Variants in ASB13 observed in about 807,000 individuals in gnomAD.
ASB13 encodes ankyrin repeat and SOCS box containing 13.
A neutral mutation model predicts 28.8 loss-of-function variants in ASB13; 33 were observed. The observed-to-expected ratio is 1.15, with a 90% CI of 0.87 to 1.53. The LOEUF is 1.53. Ranked by LOEUF, ASB13 falls within the 40% of genes most tolerant of loss-of-function variation. ASB13 has a pLI of 0.00. For synonymous variants in ASB13, 182 were observed against 172.9 expected (o/e 1.05, Z -0.41); for missense variants, 414 against 390.1 (o/e 1.06, Z -0.52).
At position 5,662,321 on chromosome 10, in the gene ASB13, T is replaced by C. The variant is rs1056118160; in HGVS notation, c.43+4188A>G. Reference sequence around the variant, plus strand: ...ATCACCTGAGGTCAAGAGTTCGAGATCAGCCTGGCCAACATGGCAAAACCC... The same window carrying C: ...ATCACCTGAGGTCAAGAGTTCGAGACCAGCCTGGCCAACATGGCAAAACCC... On this transcript the variant is annotated intron_variant, in intron 1 of 5. Transcript: ENST00000357700. Among the ~76,000 whole-genome samples, 6 of 151,612 alleles carry C rather than the reference T, an allele frequency of 4.0e-5. No homozygotes were observed. The South Asian group carries it at 1.2e-3, about 31-fold the overall frequency.
chr10:5,662,951 C>G (rs925027806), intron 1 of ASB13, among the ~76,000 whole-genome samples: 4 of 152,138 alleles, frequency 2.6e-5, no homozygotes, highest in African/African-American at 9.7e-5. Flanking sequence ...AAATATGGAT[C>G]TTTATTTTTC....
intron 4 of ASB13, 103 bp downstream of exon 4, chr10:5,648,867 C>G: frequency 6.4e-7 from 1 of 1,554,122 alleles, no homozygotes; most frequent in Admixed American, 1.8e-5. Context: ...GGTAAACACC[C>G]ACTCGGGCAA....
intron 4 of ASB13, among the ~76,000 whole-genome samples, chr10:5,643,089 G>A (rs1834835230): frequency 6.6e-6 from 1 of 152,160 alleles, no homozygotes; most frequent in Non-Finnish European, 1.5e-5. Context: ...GAGGTTATAA[G>A]AGAAAACAAA....
intron 1 of ASB13, among the ~76,000 whole-genome samples, chr10:5,666,148 G>A (rs1022875745): frequency 3.9e-4 from 60 of 152,312 alleles, no homozygotes; most frequent in African/African-American, 1.3e-3. Context: ...GGAGCACCGT[G>A]GGCGTTTCCC....
At chr10:5,648,169 G>GGGTAAACACCCACTCA (rs1834916306) in intron 4 of ASB13, among the ~76,000 whole-genome samples, 1 of 88,920 alleles carries the variant, frequency 1.1e-5, no homozygotes, top group Admixed American at 1.4e-4. Flanking sequence ...ACACTCACGG[G>GGGTAAACACCCACTCA]GGTAAACACC....
rs1447652828 is a variant in ASB13, at chr10:5,645,450, C to A, written c.518-3489G>T. Among the ~76,000 whole-genome samples, 1 of 152,136 alleles carries A rather than the reference C, an allele frequency of 6.6e-6. No individual in the cohort carries two copies. Among genetic ancestry groups the A allele is most frequent in the Non-Finnish European group, 1.5e-5 (1 of 68,022 alleles). On this transcript the variant is annotated intron_variant, in intron 4 of 5. Transcript: ENST00000357700. The surrounding 1 kb of genome is among the most constrained non-coding windows in gnomAD (Gnocchi z 5.4). ...ATTAAAAATTACTTCACCATCATAA[C>A]CGGACTTTCACCCTCCCCAGCCCTC...
At chr10:5,647,890 G>A (rs1448432062) in intron 4 of ASB13, among the ~76,000 whole-genome samples, 1 of 152,096 alleles carries the variant, frequency 6.6e-6, no homozygotes, top group African/African-American at 2.4e-5. Context: ...CACCTGCTCA[G>A]GTGAACAGCC....
In ASB13 at chr10:5,642,205, G is replaced by T. The variant is rs760153371; in HGVS notation, c.518-244C>A. On this transcript the variant is annotated intron_variant, in intron 4 of 5. Transcript: ENST00000357700. The surrounding 1 kb of genome is among the most constrained non-coding windows in gnomAD (Gnocchi z 4.1). ...AATAATAAAGAAATAACTAGAAATAGAACCGAAAAGAAGAAAAATAAAACG... is the reference window on the plus strand; with the variant it reads ...AATAATAAAGAAATAACTAGAAATATAACCGAAAAGAAGAAAAATAAAACG... Among the ~76,000 whole-genome samples, 2 of 152,102 alleles carry T rather than the reference G, an allele frequency of 1.3e-5. No homozygotes were observed. Among genetic ancestry groups the T allele is most frequent in the Non-Finnish European group, 2.9e-5 (2 of 68,018 alleles).
At position 5,641,566 on chromosome 10, in the gene ASB13, C is replaced by T. The variant is rs1043657746; in HGVS notation, c.709+204G>A. ...GTCGGCCACAGCTTCTGCTGCTCCA[C>T]GCCACGGGCCACAGGGAACCCAGGG... is the stretch of plus-strand genomic sequence containing the variant. On this transcript the variant is annotated intron_variant, in intron 5 of 5. Coordinates refer to ENST00000357700, the MANE Select transcript of ASB13 (RefSeq NM_024701.4). This position sits in a 1 kb window ranked among gnomAD's most constrained non-coding sequence, Gnocchi z 8.4. 7.2e-5 allele frequency among the ~76,000 whole-genome samples: 11 copies of T among 152,200 alleles called. No homozygotes were observed. The highest frequency in any genetic ancestry group is 1.2e-4 in the Non-Finnish European group (8 of 68,036).
rs1188099097 is a variant in ASB13, at chr10:5,651,780, T to A, written c.232-417A>T. On this transcript the variant is annotated intron_variant, in intron 2 of 5. Coordinates refer to ENST00000357700, the MANE Select transcript of ASB13 (RefSeq NM_024701.4). This position sits in a 1 kb window ranked among gnomAD's most constrained non-coding sequence, Gnocchi z 5.1. ...CACTTCGGAAGGCGAGGAGGGAGGGTCACTTGAGCTCAGGAGTTCAAGACC... is the reference window on the plus strand; with the variant it reads ...CACTTCGGAAGGCGAGGAGGGAGGGACACTTGAGCTCAGGAGTTCAAGACC... Among the ~76,000 whole-genome samples, 1 of 151,224 alleles carries A rather than the reference T, an allele frequency of 6.6e-6. No homozygotes were observed. Among genetic ancestry groups the A allele is most frequent in the Non-Finnish European group, 1.5e-5 (1 of 67,852 alleles).
rs1432383638 is a variant in ASB13, at chr10:5,658,994, G to A, written c.44-5944C>T. ...CACCACCACAGAGCAATGTGACTCA[G>A]CCCTGCAATGGCAGGGTCAGTGTCC... is the stretch of plus-strand genomic sequence containing the variant. On this transcript the variant is annotated intron_variant, in intron 1 of 5. Transcript: ENST00000357700. The surrounding 1 kb of genome is among the most constrained non-coding windows in gnomAD (Gnocchi z 4.2). Among the ~76,000 whole-genome samples the A allele has an allele frequency of 6.6e-6, 1 of 152,320 alleles. No individual in the cohort carries two copies. Among genetic ancestry groups the A allele is most frequent in the East Asian group, 1.9e-4 (1 of 5,182 alleles).
rs988641047 is a variant in ASB13, at chr10:5,660,750, C to A, written c.43+5759G>T. Among the ~76,000 whole-genome samples the A allele has an allele frequency of 6.6e-6, 1 of 152,136 alleles. No homozygotes were observed. Among genetic ancestry groups the A allele is most frequent in the Non-Finnish European group, 1.5e-5 (1 of 68,022 alleles). ...CATCTCATCTTTGTTCCATAGCAAG[C>A]CCCCCAATCTTGCATTCCAGCTCCA... On this transcript the variant is annotated intron_variant, in intron 1 of 5. Transcript: ENST00000357700. The surrounding 1 kb of genome is among the most constrained non-coding windows in gnomAD (Gnocchi z 6.1).
intron 1 of ASB13, among the ~76,000 whole-genome samples, chr10:5,665,954 G>A (rs2131462138): frequency 6.6e-6 from 1 of 152,352 alleles, no homozygotes; most frequent in Non-Finnish European, 1.5e-5. Context: ...GGTAAAGTAG[G>A]CTGCGAACTG....
chr10:5,666,412 G>A (rs1235948374), intron 1 of ASB13, 97 bp downstream of exon 1: 4 of 1,088,900 alleles, frequency 3.7e-6, no homozygotes, highest in Non-Finnish European at 4.6e-6. Context: ...AGCGCGGGGC[G>A]CGCCACCACC....
intron 1 of ASB13, among the ~76,000 whole-genome samples, chr10:5,653,967 C>T (rs1835031473): frequency 6.6e-6 from 1 of 152,074 alleles, no homozygotes; most frequent in Non-Finnish European, 1.5e-5. Context: ...CAGGTGTGAG[C>T]CACCACGCCC....
At position 5,641,711 on chromosome 10, in the gene ASB13, C is replaced by A. The variant is rs960908937; in HGVS notation, c.709+59G>T. 1.3e-6 allele frequency: 2 copies of A among 1,505,090 alleles called. No individual in the cohort carries two copies. The highest frequency in any genetic ancestry group is 1.4e-5 in the African/African-American group (1 of 72,388). 93.2% of individuals were successfully genotyped at this position (1,505,090 alleles called of 1,614,324 possible). A position where few individuals can be genotyped will look rare whatever the true frequency, so the allele number is the denominator to read the frequency against. On this transcript the variant is annotated intron_variant, in intron 5 of 5. Coordinates refer to ENST00000357700, the MANE Select transcript of ASB13 (RefSeq NM_024701.4). The surrounding 1 kb of genome is among the most constrained non-coding windows in gnomAD (Gnocchi z 8.4). The stretch of plus-strand genomic sequence containing the variant: ...CGCGGAAGCCCACAGGGAGCCGGCA[C>A]GTCAGGGGTCCAGGCTGAAGGCTGG...
chr10:5,661,756 C>T lies in ASB13; in HGVS notation c.43+4753G>A, dbSNP rs1316559935. Among the ~76,000 whole-genome samples the T allele has an allele frequency of 6.6e-6, 1 of 152,162 alleles. No individual in the cohort carries two copies. Among genetic ancestry groups the T allele is most frequent in the Non-Finnish European group, 1.5e-5 (1 of 68,028 alleles). ...TCAAGTGATCCTCCCGCCTTGGCCT[C>T]CCTAAGTGCTGGGATTACAGGCATG... is the stretch of plus-strand genomic sequence containing the variant. On this transcript the variant is annotated intron_variant, in intron 1 of 5. Transcript: ENST00000357700. This position sits in a 1 kb window ranked among gnomAD's most constrained non-coding sequence, Gnocchi z 4.9.
chr10:5,648,884 A>T, intron 4 of ASB13, 86 bp downstream of exon 4: 6 of 1,570,980 alleles, frequency 3.8e-6, no homozygotes, highest in Non-Finnish European at 5.2e-6. Context: ...GCAAACACCC[A>T]CTTGGGCAAA....
chr10:5,662,628 G>GAAGAGAA (rs1835193994), intron 1 of ASB13, among the ~76,000 whole-genome samples: 1 of 148,806 alleles, frequency 6.7e-6, no homozygotes, highest in African/African-American at 2.4e-5. Context: ...GAAGAGAAGA[G>GAAGAGAA]AAGAGAAGAG....
Sources: allele counts gnomAD v4.1 joint callset (sites outside exome capture counted in the v4.1 genomes callset), GRCh38; gene constraint gnomAD v4.1.1; non-coding constraint Gnocchi (gnomAD v3.1); transcripts MANE v1.5; gene names NCBI Gene and HGNC (gene_info 2026-07-23, HGNC 2026-07-21).